Variants in PRH1 observed in about 807,000 individuals in gnomAD.
PRH1 encodes the protein proline rich protein HaeIII subfamily 1.
In PRH1, 7 loss-of-function variants were observed where a neutral mutation model predicts 7.9. That is an observed-to-expected ratio of 0.89 (90% CI 0.50 to 1.67). The LOEUF is 1.67. Ranked by LOEUF, PRH1 falls within the 40% of genes most tolerant of loss-of-function variation. PRH1 has a pLI of 0.00. For synonymous variants in PRH1, 45 were observed against 80.8 expected, an observed-to-expected ratio of 0.56 and a Z score of 2.38; for missense variants, 109 against 223.6, an observed-to-expected ratio of 0.49 and a Z score of 3.27.
At chr12:11,053,491 C>A (rs1042347147) in intron 1 of PRH1, among the ~76,000 whole-genome samples, 1 of 152,240 alleles carries the variant, frequency 6.6e-6, no homozygotes, top group African/African-American at 2.4e-5. Flanking sequence ...TTTTCTTAAG[C>A]AATGTATTTT....
Position 11,092,227 on chromosome 12 carries a change from C to G in PRH1, n.124-45039G>C, listed in dbSNP as rs139372865. The G allele has an allele frequency of 5.1e-4, 651 of 1,273,394 alleles. 74 individuals are homozygous for G. In the African/African-American group the frequency reaches 9.0e-3, roughly 18 times the overall value. The allele number at this position is 1,273,394 out of a possible 1,614,324, so 78.9% of individuals were successfully genotyped here. The stretch of plus-strand genomic sequence containing the variant: ...AAAAAATGATGGGTAGAAAAGTTAT[C>G]ATGTCTGAACAGACAAAAAAAATTT... On this transcript the variant is annotated intron_variant and non_coding_transcript_variant, in intron 1 of 4. Coordinates refer to the PRH1 transcript ENST00000541977.
chr12:11,115,200 G>A (rs922929125), intron 1 of PRH1, among the ~76,000 whole-genome samples: 4 of 152,002 alleles, frequency 2.6e-5, no homozygotes, highest in East Asian at 1.9e-4. Flanking sequence ...AGAAAACAAC[G>A]GGATGGAAAA....
chr12:10,944,162 C>T (rs1009179471), intron 2 of PRH1, among the ~76,000 whole-genome samples: 1 of 152,158 alleles, frequency 6.6e-6, no homozygotes, highest in Non-Finnish European at 1.5e-5. Flanking sequence ...CTGTACATTC[C>T]TTTGGGCAGT....
chr12:11,048,134 C>T (rs1942977770), upstream of PRH1, among the ~76,000 whole-genome samples: 1 of 125,898 alleles, frequency 7.9e-6, no homozygotes, highest in African/African-American at 2.8e-5. Flanking sequence ...ACACATATAC[C>T]CACACACATA....
At chr12:11,024,741 A>G (rs1941824433) in intron 1 of PRH1, among the ~76,000 whole-genome samples, 1 of 152,358 alleles carries the variant, frequency 6.6e-6, no homozygotes, top group Middle Eastern at 3.4e-3. Context: ...TAATGCTACA[A>G]TGAACATTCT....
At chr12:10,935,789 C>T (rs1187253639) in intron 2 of PRH1, among the ~76,000 whole-genome samples, 1 of 152,156 alleles carries the variant, frequency 6.6e-6, no homozygotes, top group Admixed American at 6.6e-5. Flanking sequence ...TAAACTACAT[C>T]AGCAAAGATC....
chr12:10,990,597 A>G (rs1457903786), intron 1 of PRH1, among the ~76,000 whole-genome samples: 1 of 152,208 alleles, frequency 6.6e-6, no homozygotes, highest in African/African-American at 2.4e-5. Flanking sequence ...AAAAATCTAA[A>G]GCTGAAGAAT....
chr12:11,110,036 T>C (rs1945541332), intron 1 of PRH1, among the ~76,000 whole-genome samples: 1 of 152,002 alleles, frequency 6.6e-6, no homozygotes, highest in South Asian at 2.1e-4. Flanking sequence ...CAAATATCAA[T>C]AGGTGAACCA....
intron 1 of PRH1, chr12:11,076,906 ACTT>A (rs1383309993): frequency 8.7e-6 from 1 of 115,302 alleles, no homozygotes; most frequent in African/African-American, 2.9e-5. Context: ...TTAATATTAA[ACTT>A]CTTTACCATC....
intron 1 of PRH1, chr12:10,986,764 T>C: frequency 6.2e-7 from 1 of 1,610,456 alleles, no homozygotes; most frequent in Non-Finnish European, 8.5e-7. Context: ...ACCCAGTCAA[T>C]GAAATTTACC....
At chr12:11,151,298 G>A (rs1456714095) in intron 1 of PRH1, among the ~76,000 whole-genome samples, 2 of 150,722 alleles carry the variant, frequency 1.3e-5, no homozygotes, top group Admixed American at 6.6e-5. Flanking sequence ...AATGTGCCCT[G>A]CTTATGCCAT....
At chr12:11,061,701 T>C in intron 1 of PRH1, 1 of 1,614,140 alleles carries the variant, frequency 6.2e-7, no homozygotes, top group East Asian at 2.2e-5. Flanking sequence ...GAGAACAGAT[T>C]AACAGCAGAA....
intron 2 of PRH1, among the ~76,000 whole-genome samples, chr12:10,899,694 T>G (rs973440296): frequency 6.6e-6 from 1 of 152,188 alleles, no homozygotes; most frequent in Non-Finnish European, 1.5e-5. Flanking sequence ...ATGCTTCTTG[T>G]ACAGCCTGCG....
intron 1 of PRH1, among the ~76,000 whole-genome samples, chr12:11,002,015 G>C (rs565823282): frequency 6.6e-6 from 1 of 152,058 alleles, no homozygotes; most frequent in Non-Finnish European, 1.5e-5. Context: ...GTGTTCCTAA[G>C]ATCAGTTTAA....
intron 1 of PRH1, among the ~76,000 whole-genome samples, chr12:11,161,433 TGTG>T (rs1565717652): frequency 6.6e-6 from 1 of 152,176 alleles, no homozygotes; most frequent in African/African-American, 2.4e-5. Context: ...CGATGGCACA[TGTG>T]GTGTATAAGC....
intron 1 of PRH1, among the ~76,000 whole-genome samples, chr12:11,140,062 TTATA>T (rs1172256242): frequency 6.6e-6 from 1 of 151,950 alleles, no homozygotes; most frequent in African/African-American, 2.4e-5. Flanking sequence ...TAATAATGCC[TTATA>T]TATTATACAT....
intron 2 of PRH1, among the ~76,000 whole-genome samples, chr12:10,966,198 C>T (rs145297966): frequency 2.0e-3 from 297 of 152,266 alleles, no homozygotes; most frequent in African/African-American, 6.8e-3. Flanking sequence ...TAAAGTTACT[C>T]TCAAGTCTAT....
At position 11,171,019 on chromosome 12, in the gene PRH1, G is replaced by T. The variant is rs563433018; in HGVS notation, n.39+403C>A. Among the ~76,000 whole-genome samples, 5 of 152,322 alleles carry T rather than the reference G, an allele frequency of 3.3e-5. No homozygotes were observed. The South Asian group carries it at 1.0e-3, about 32-fold the overall frequency. Reference sequence around the variant, plus strand: ...GCCCTTACAAATTTTGTGCCCTACGGCAAGTTACATCTCGCTTAGATTTTT... The same window carrying T: ...GCCCTTACAAATTTTGTGCCCTACGTCAAGTTACATCTCGCTTAGATTTTT... On this transcript the variant is annotated intron_variant and non_coding_transcript_variant, in intron 1 of 1. Transcript: ENST00000541175.
intron 2 of PRH1, among the ~76,000 whole-genome samples, chr12:10,962,839 G>A (rs11054086): frequency 2.0e-5 from 3 of 151,890 alleles, no homozygotes; most frequent in African/African-American, 4.8e-5. Context: ...GCGCGATCTC[G>A]GCTCACTGCA....
Sources: allele counts gnomAD v4.1 joint callset (sites outside exome capture counted in the v4.1 genomes callset), GRCh38; gene constraint gnomAD v4.1.1; transcripts MANE v1.5; gene names NCBI Gene and HGNC (gene_info 2026-07-23, HGNC 2026-07-21).